Variants in TRIM69 observed in about 807,000 individuals in gnomAD.
TRIM69 encodes the protein tripartite motif containing 69, also known as E3 ubiquitin-protein ligase TRIM69.
A neutral mutation model predicts 37.7 loss-of-function variants in TRIM69; 29 were observed. The ratio of observed to expected loss-of-function variants is 0.77; its 90% CI spans 0.57 to 1.05. TRIM69 has a LOEUF of 1.05. Among genes scored for constraint, TRIM69 ranks in the 50% least tolerant of loss-of-function variants. TRIM69 has a pLI of 0.00. For missense variants in TRIM69, 596 were observed against 579.9 expected (o/e 1.03, Z -0.28); for synonymous variants, 209 against 212.4 (o/e 0.98, Z 0.14).
At chr15:44,756,321 C>A in intron 2 of TRIM69, 47 bp from the exon 3 acceptor site, 1 of 1,354,626 alleles carries the variant, frequency 7.4e-7, no homozygotes, top group Non-Finnish European at 1.0e-6. Context: ...CTTTATGGTC[C>A]TTCATCTCCC....
intron 1 of TRIM69, among the ~76,000 whole-genome samples, chr15:44,741,265 C>T (rs2141308020): frequency 6.6e-6 from 1 of 152,170 alleles, no homozygotes; most frequent in Non-Finnish European, 1.5e-5. Context: ...TCTTTGAAAC[C>T]AATGAGAACA....
At chr15:44,752,369 C>T (rs2087553304) in intron 1 of TRIM69, among the ~76,000 whole-genome samples, 1 of 151,970 alleles carries the variant, frequency 6.6e-6, no homozygotes, top group African/African-American at 2.4e-5. Flanking sequence ...TTGATAATAT[C>T]CTTCTTTGTA....
intron 1 of TRIM69, among the ~76,000 whole-genome samples, chr15:44,748,702 T>G (rs972663619): frequency 8.6e-5 from 13 of 150,964 alleles, no homozygotes; most frequent in Non-Finnish European, 1.8e-4. Context: ...GACGCATGCC[T>G]GTAATCCCAG....
At chr15:44,760,464 G>T (rs1383728455) in intron 6 of TRIM69, among the ~76,000 whole-genome samples, 1 of 152,050 alleles carries the variant, frequency 6.6e-6, no homozygotes, top group Non-Finnish European at 1.5e-5. Context: ...AATCTTTATA[G>T]AAATAAAATT....
chr15:44,759,743 T>C lies in TRIM69; in HGVS notation c.837-5T>C. The C allele has an allele frequency of 1.9e-6, 3 of 1,614,226 alleles. No individual in the cohort carries two copies. The highest frequency in any genetic ancestry group is 2.5e-6 in the Non-Finnish European group (3 of 1,180,034). On this transcript the variant is annotated splice_polypyrimidine_tract_variant and splice_region_variant and intron_variant, in intron 5 of 6. Coordinates refer to ENST00000329464, the MANE Select transcript of TRIM69 (RefSeq NM_182985.5). ...CTAAGGATAAATGATTTATGTGCCCTGCAGCTTGGAGCAAGGAATGAAGGT... is the reference window on the plus strand; with the variant it reads ...CTAAGGATAAATGATTTATGTGCCCCGCAGCTTGGAGCAAGGAATGAAGGT...
chr15:44,751,148 C>T (rs2087520037), intron 1 of TRIM69, among the ~76,000 whole-genome samples: 1 of 151,076 alleles, frequency 6.6e-6, no homozygotes, highest in Admixed American at 6.6e-5. Context: ...TGGAGTCTCG[C>T]TCTGTCGCCC....
chr15:44,764,139 A>T (rs2087839563), intron 6 of TRIM69, among the ~76,000 whole-genome samples: 1 of 152,172 alleles, frequency 6.6e-6, no homozygotes, highest in African/African-American at 2.4e-5. Context: ...CTGCTTAGCA[A>T]ATTGTAGCTG....
intron 6 of TRIM69, among the ~76,000 whole-genome samples, chr15:44,765,232 G>C (rs936562989): frequency 1.3e-5 from 2 of 152,228 alleles, no homozygotes; most frequent in African/African-American, 4.8e-5. Flanking sequence ...AGGACAAAAA[G>C]CTGACTCATG....
At chr15:44,750,950 C>CTTTTTTTT (rs71111890) in intron 1 of TRIM69, among the ~76,000 whole-genome samples, 2 of 33,552 alleles carry the variant, frequency 6.0e-5, no homozygotes, top group Admixed American at 9.2e-4. Context: ...TTTCTTTTGC[C>CTTTTTTTT]TTTTTTTTTT....
rs575466288 is a variant in TRIM69 at position 44,743,449 on chromosome 15, C to A, written c.6+6739C>A. Among the ~76,000 whole-genome samples, 7 of 152,236 alleles carry A rather than the reference C, an allele frequency of 4.6e-5. No individual in the cohort carries two copies. The East Asian group carries it at 1.4e-3, about 29-fold the overall frequency. On this transcript the variant is annotated intron_variant, in intron 1 of 6. Coordinates refer to ENST00000329464, the MANE Select transcript of TRIM69 (RefSeq NM_182985.5). Reference sequence around the variant, plus strand: ...ACACCAAAAGCAAGGGCAACAAAAGCCAAAATTGACAAATGCGATCTAATT... The same window carrying A: ...ACACCAAAAGCAAGGGCAACAAAAGACAAAATTGACAAATGCGATCTAATT...
At position 44,767,314 on chromosome 15, in the gene TRIM69, G is replaced by A; in HGVS notation, c.1045G>A (p.Asp349Asn). The A allele has an allele frequency of 6.2e-7, 1 of 1,614,082 alleles. No homozygotes were observed. The highest frequency in any genetic ancestry group is 8.5e-7 in the Non-Finnish European group (1 of 1,180,032). The change falls in exon 7 of 7, where the codon GAC becomes AAC. Residue 349 changes from aspartate to asparagine, a missense_variant. Physicochemically the swap from Asp to Asn is conservative, Grantham distance 23. Transcript: ENST00000329464. ...SKSQTSVWHG[D>N]IKKIMPDDPE... ...AAGCCAAACCAGCGTCTGGCATGGT[G>A]ACATTAAGAAGATAATGCCTGATGA... is the stretch of plus-strand genomic sequence containing the variant.
chr15:44,766,673 A>G (rs369910251), intron 6 of TRIM69, among the ~76,000 whole-genome samples: 156 of 152,306 alleles, frequency 1.0e-3, no homozygotes, highest in African/African-American at 3.7e-3. Context: ...TTCCTTTAGT[A>G]GAGCATAAAT....
chr15:44,756,223 G>C, intron 2 of TRIM69, 145 bp from the exon 3 acceptor site: 2 of 599,100 alleles, frequency 3.3e-6, no homozygotes, highest in Non-Finnish European at 6.0e-6. Context: ...TCTTGAACGA[G>C]ACAAGAACTA....
chr15:44,767,086 C>CA, intron 6 of TRIM69, 145 bp from the exon 7 acceptor site: 1 of 69,960 alleles, frequency 1.4e-5, no homozygotes, highest in Admixed American at 2.3e-4. Context: ...AAAAAAAAAG[C>CA]ATATAAGTAA....
intron 1 of TRIM69, among the ~76,000 whole-genome samples, chr15:44,741,639 C>T (rs1428499475): frequency 2.0e-5 from 3 of 152,110 alleles, no homozygotes; most frequent in African/African-American, 2.4e-5. Context: ...GGGGATATCA[C>T]CACTGATCCC....
intron 1 of TRIM69, among the ~76,000 whole-genome samples, chr15:44,750,132 C>T (rs2087488612): frequency 6.6e-6 from 1 of 152,114 alleles, no homozygotes; most frequent in South Asian, 2.1e-4. Flanking sequence ...TAGACCTTAT[C>T]TGGTATAGGA....
chr15:44,760,578 A>C lies in TRIM69; in HGVS notation c.961+706A>C, dbSNP rs548098260. On this transcript the variant is annotated intron_variant, in intron 6 of 6. Coordinates refer to ENST00000329464, the MANE Select transcript of TRIM69 (RefSeq NM_182985.5). ...AAATATATCCCTGATTTAATGAAAA[A>C]TCGCAAATTTTTCCAGGTAATTGAC... is the stretch of plus-strand genomic sequence containing the variant. Among the ~76,000 whole-genome samples, 13 of 152,322 alleles carry C rather than the reference A, an allele frequency of 8.5e-5. No homozygotes were observed. In the East Asian group the frequency reaches 2.5e-3, roughly 29 times the overall value.
chr15:44,754,748 C>T, intron 1 of TRIM69, 152 bp from the exon 2 acceptor site: 2 of 663,616 alleles, frequency 3.0e-6, no homozygotes, highest in South Asian at 3.7e-5. Flanking sequence ...TCAGAAAACA[C>T]TCAAGTTACT....
At chr15:44,752,718 T>A (rs547319997) in intron 1 of TRIM69, among the ~76,000 whole-genome samples, 13 of 152,292 alleles carry the variant, frequency 8.5e-5, no homozygotes, top group Middle Eastern at 3.4e-3. Flanking sequence ...TTTTTGTGAT[T>A]AACTGATTTT....
Sources: gnomAD v4.1 joint callset for allele counts (sites outside exome capture counted in the v4.1 genomes callset) on GRCh38, gnomAD v4.1.1 for gene constraint, MANE v1.5 for transcripts, NCBI Gene and HGNC (gene_info 2026-07-23, HGNC 2026-07-21) for gene names.